ANO4: variants seen among roughly 807,000 people sequenced by gnomAD.
ANO4 encodes anoctamin-4.
In ANO4, 69 loss-of-function variants were observed where a neutral mutation model predicts 141.9. The ratio of observed to expected loss-of-function variants is 0.49; its 90% confidence interval spans 0.40 to 0.59. ANO4 has a LOEUF of 0.59. ANO4 is among the 20% of genes least tolerant of loss of function. The pLI is 0.00. For missense variants in ANO4, 894 were observed against 1,162.2 expected (o/e 0.77, Z 3.36); for synonymous variants, 350 against 394.3 (o/e 0.89, Z 1.33).
chr12:100,746,691 G>A (rs561383279), intron 3 of ANO4, among the ~76,000 whole-genome samples: 9 of 152,206 alleles, frequency 5.9e-5, no homozygotes, highest in African/African-American at 1.9e-4. Context: ...TGCACAAGAC[G>A]TGGTCCCTAA....
rs534939304 is a variant in ANO4, at chr12:101,001,367, A to G, written c.734+13697A>G. ...AAAACCTAGTGCTTCACAGGCAGGTAGACACTCTGGTGCCCCATTGGTCAG... is the reference window on the plus strand; with the variant it reads ...AAAACCTAGTGCTTCACAGGCAGGTGGACACTCTGGTGCCCCATTGGTCAG... On this transcript the variant is annotated intron_variant, in intron 8 of 27. Transcript: ENST00000392977. Among the ~76,000 whole-genome samples, 8 of 152,342 alleles carry G rather than the reference A, an allele frequency of 5.3e-5. No homozygotes were observed. In the South Asian group the frequency reaches 1.7e-3, roughly 32 times the overall value.
At chr12:100,854,855 G>C (rs1224943829) in intron 1 of ANO4, among the ~76,000 whole-genome samples, 1 of 152,000 alleles carries the variant, frequency 6.6e-6, no homozygotes, top group East Asian at 1.9e-4. Flanking sequence ...CAGAAGTTTT[G>C]ATAGTTGTTG....
At chr12:100,767,163 A>G (rs10778071) in intron 3 of ANO4, among the ~76,000 whole-genome samples, 45,571 of 151,976 alleles carry the variant, frequency 0.3, 7,132 homozygotes, top group Middle Eastern at 0.35. Flanking sequence ...CAGCCACTGT[A>G]TGTCTTTTTA....
intron 1 of ANO4, among the ~76,000 whole-genome samples, chr12:100,730,514 A>G (rs985435342): frequency 4.6e-5 from 7 of 152,204 alleles, no homozygotes; most frequent in African/African-American, 1.7e-4. Context: ...AGGAGAATTA[A>G]TTATTTGTTT....
intron 3 of ANO4, among the ~76,000 whole-genome samples, chr12:100,788,884 C>T (rs1310761633): frequency 4.0e-5 from 6 of 151,286 alleles, no homozygotes; most frequent in Non-Finnish European, 7.4e-5. Context: ...AAAAGAGTAA[C>T]GAGCTGGAAA....
At chr12:101,082,992 G>C (rs181907223) in intron 15 of ANO4, among the ~76,000 whole-genome samples, 3 of 152,116 alleles carry the variant, frequency 2.0e-5, no homozygotes, top group Admixed American at 6.6e-5. Flanking sequence ...CATTCAGGAG[G>C]CTCAGCTAAA....
At chr12:100,901,004 A>G (rs1307798182) in intron 1 of ANO4, among the ~76,000 whole-genome samples, 3 of 152,240 alleles carry the variant, frequency 2.0e-5, no homozygotes, top group South Asian at 2.1e-4. Flanking sequence ...GATGTAATCT[A>G]TATAGGCTGA....
At chr12:100,890,569 C>T (rs1367353426) in intron 1 of ANO4, among the ~76,000 whole-genome samples, 2 of 152,136 alleles carry the variant, frequency 1.3e-5, no homozygotes, top group Non-Finnish European at 2.9e-5. Context: ...GGTGAGATAG[C>T]CATGTCTGAG....
intron 8 of ANO4, among the ~76,000 whole-genome samples, chr12:100,993,291 T>A (rs755162927): frequency 6.6e-6 from 1 of 152,148 alleles, no homozygotes; most frequent in Non-Finnish European, 1.5e-5. Context: ...CAAGTCAACA[T>A]ACAAATGCTA....
At chr12:100,880,716 A>G (rs1481727202) in intron 1 of ANO4, among the ~76,000 whole-genome samples, 1 of 152,202 alleles carries the variant, frequency 6.6e-6, no homozygotes, top group Non-Finnish European at 1.5e-5. Flanking sequence ...AGTTAAGGTC[A>G]CTGCCACTAG....
intron 1 of ANO4, among the ~76,000 whole-genome samples, chr12:100,872,161 A>ACTTACTTTACTTATTT (rs1208804027): frequency 2.6e-5 from 4 of 152,202 alleles, no homozygotes; most frequent in African/African-American, 9.7e-5. Context: ...CATTTATTGA[A>ACTTACTTTACTTATTT]TACCTTACTA....
chr12:100,806,358 C>A (rs71464244), intron 1 of ANO4, among the ~76,000 whole-genome samples: 1,796 of 152,054 alleles, frequency 0.012, 25 homozygotes, highest in African/African-American at 0.041. Flanking sequence ...CTTTGCTAAT[C>A]TGCTGGGTGA....
intron 1 of ANO4, among the ~76,000 whole-genome samples, chr12:100,895,853 T>G (rs1291377211): frequency 6.6e-6 from 1 of 152,048 alleles, no homozygotes; most frequent in Non-Finnish European, 1.5e-5. Context: ...TGAGCCACTG[T>G]GCCTGGCCTT....
chr12:101,016,502 TG>T (rs1444740970), intron 8 of ANO4, among the ~76,000 whole-genome samples: 2 of 151,960 alleles, frequency 1.3e-5, no homozygotes, highest in Non-Finnish European at 2.9e-5. Flanking sequence ...CCTCTAACAC[TG>T]GGGATTCCAT....
chr12:100,816,505 C>T (rs1402895692), intron 1 of ANO4, among the ~76,000 whole-genome samples: 2 of 151,850 alleles, frequency 1.3e-5, no homozygotes, highest in Admixed American at 1.3e-4. Context: ...ATAGATGCCT[C>T]ATTTAGGAGG....
At chr12:100,928,914 C>A (rs1302326733) in intron 3 of ANO4, among the ~76,000 whole-genome samples, 1 of 152,102 alleles carries the variant, frequency 6.6e-6, no homozygotes, top group Non-Finnish European at 1.5e-5. Flanking sequence ...ATCATCTGTG[C>A]TGTTTTATAA....
intron 3 of ANO4, among the ~76,000 whole-genome samples, chr12:100,933,509 C>T (rs906482408): frequency 3.9e-5 from 6 of 152,212 alleles, no homozygotes; most frequent in Non-Finnish European, 8.8e-5. Flanking sequence ...TTTCTTAATC[C>T]AGTCTATCAT....
chr12:100,958,617 G>A (rs1040798937), intron 5 of ANO4, among the ~76,000 whole-genome samples: 17 of 152,270 alleles, frequency 1.1e-4, no homozygotes, highest in African/African-American at 4.1e-4. Flanking sequence ...GGAGGCCAAG[G>A]TGGAAGGATT....
intron 15 of ANO4, among the ~76,000 whole-genome samples, chr12:101,079,482 C>T (rs2049157318): frequency 6.6e-6 from 1 of 152,010 alleles, no homozygotes; most frequent in African/African-American, 2.4e-5. Context: ...AATCAAATCC[C>T]TTGATTAAGT....
Sources: gnomAD v4.1 joint callset for allele counts (sites outside exome capture counted in the v4.1 genomes callset) on GRCh38, gnomAD v4.1.1 for gene constraint, MANE v1.5 for transcripts, NCBI Gene and HGNC (gene_info 2026-07-23, HGNC 2026-07-21) for gene names.